The following CSMD3 variants were observed in gnomAD, a reference collection of about 807,000 sequenced individuals.
The protein encoded by CSMD3 is CUB and sushi domain-containing protein 3.
Under a neutral mutation model 435.2 loss-of-function variants are expected in CSMD3, and 177 were observed. The observed-to-expected ratio is 0.41, with a 90% CI of 0.36 to 0.46. CSMD3 has a LOEUF of 0.46. Among genes scored for constraint, CSMD3 ranks in the 20% least tolerant of loss-of-function variants. The probability of loss-of-function intolerance (pLI) is 0.34; values close to 1 mark genes in which losing one functional copy is unlikely to be tolerated. For missense variants in CSMD3, 4,265 were observed against 4,504.6 expected, an observed-to-expected ratio of 0.95 and a Z score of 1.52; for synonymous variants, 1,656 against 1,520.5, an observed-to-expected ratio of 1.09 and a Z score of -2.07.
intron 10 of CSMD3, among the ~76,000 whole-genome samples, chr8:112,871,668 A>G (rs1040360694): frequency 2.0e-5 from 3 of 152,098 alleles, no homozygotes; most frequent in Non-Finnish European, 2.9e-5. Flanking sequence ...TCCATTAAAT[A>G]AGAGACAGAG....
chr8:112,403,543 T>G (rs1173867723), intron 35 of CSMD3, among the ~76,000 whole-genome samples: 2 of 151,996 alleles, frequency 1.3e-5, no homozygotes, highest in East Asian at 1.9e-4. Context: ...TGCCAGCAGA[T>G]GTAGTGTTTG....
At chr8:113,382,383 CTT>C (rs901646392) in intron 1 of CSMD3, among the ~76,000 whole-genome samples, 17 of 152,126 alleles carry the variant, frequency 1.1e-4, no homozygotes, top group African/African-American at 4.1e-4. Context: ...ATGAGTCAGT[CTT>C]TTTTATTTTT....
chr8:112,292,889 A>G (rs1819913157), intron 54 of CSMD3, among the ~76,000 whole-genome samples, 179 bp from the exon 55 acceptor site: 1 of 152,164 alleles, frequency 6.6e-6, no homozygotes, highest in South Asian at 2.1e-4. Context: ...TAGAATGTCA[A>G]AATAGTCTAA....
chr8:112,775,081 C>T (rs936112135), intron 13 of CSMD3, among the ~76,000 whole-genome samples: 2 of 151,822 alleles, frequency 1.3e-5, no homozygotes, highest in African/African-American at 2.4e-5. Flanking sequence ...CTTTGCTGAC[C>T]TGATATCACC....
intron 4 of CSMD3, among the ~76,000 whole-genome samples, chr8:113,154,787 C>T: frequency 6.6e-6 from 1 of 151,966 alleles, no homozygotes; most frequent in African/African-American, 2.4e-5. Flanking sequence ...TACTGTATGT[C>T]TTTCCCATTT....
chr8:112,891,666 T>C (rs2081795140), intron 10 of CSMD3, among the ~76,000 whole-genome samples: 2 of 151,518 alleles, frequency 1.3e-5, no homozygotes, highest in South Asian at 4.1e-4. Context: ...AAATGTCAGG[T>C]TGTATGACAT....
chr8:113,018,711 G>A (rs2086567053), intron 6 of CSMD3: 1 of 226,286 alleles, frequency 4.4e-6, no homozygotes, highest in East Asian at 1.1e-4. Flanking sequence ...GGTGAGTTTC[G>A]ATTGAGAAAG....
At chr8:112,794,883 A>G (rs974559123) in intron 13 of CSMD3, among the ~76,000 whole-genome samples, 2 of 152,186 alleles carry the variant, frequency 1.3e-5, no homozygotes, top group African/African-American at 4.8e-5. Flanking sequence ...TGAAATGTCC[A>G]TATATTTGAA....
intron 31 of CSMD3, among the ~76,000 whole-genome samples, chr8:112,490,453 C>T (rs1820576453): frequency 1.3e-5 from 2 of 152,092 alleles, no homozygotes; most frequent in Admixed American, 1.3e-4. Context: ...TTGAAACTGA[C>T]ATTTCTATGA....
intron 10 of CSMD3, among the ~76,000 whole-genome samples, chr8:112,894,415 G>A (rs983872811): frequency 2.6e-5 from 4 of 151,196 alleles, no homozygotes; most frequent in Non-Finnish European, 5.9e-5. Flanking sequence ...CAACAGATTA[G>A]TATAAAAATA....
intron 13 of CSMD3, among the ~76,000 whole-genome samples, chr8:112,787,588 A>G: frequency 6.6e-6 from 1 of 152,184 alleles, no homozygotes; most frequent in South Asian, 2.1e-4. Context: ...CATATACACA[A>G]TGGAGTATTA....
chr8:113,364,417 G>GA (rs942123875), intron 1 of CSMD3, among the ~76,000 whole-genome samples: 3 of 148,898 alleles, frequency 2.0e-5, no homozygotes, highest in East Asian at 1.9e-4. Context: ...CACTTGAAAA[G>GA]AAAAAAAATT....
chr8:112,561,058 T>G (rs1828576544), intron 24 of CSMD3, among the ~76,000 whole-genome samples: 1 of 151,684 alleles, frequency 6.6e-6, no homozygotes, highest in Admixed American at 6.6e-5. Context: ...ATATTTTGCA[T>G]TGTAGCTGAA....
intron 11 of CSMD3, among the ~76,000 whole-genome samples, chr8:112,840,019 T>C (rs1388244775): frequency 1.3e-5 from 2 of 151,690 alleles, no homozygotes; most frequent in South Asian, 4.1e-4. Flanking sequence ...GGTTATTGAG[T>C]AGTGAATCTT....
At chr8:113,314,937 A>G (rs1489978429) in intron 1 of CSMD3, 144 bp from the exon 2 acceptor site, 1 of 587,988 alleles carries the variant, frequency 1.7e-6, no homozygotes, top group Non-Finnish European at 3.0e-6. Flanking sequence ...GCTGGGCACT[A>G]TATACAAATA....
At chr8:112,310,871 C>T in intron 50 of CSMD3, 107 bp downstream of exon 50, 2 of 896,398 alleles carry the variant, frequency 2.2e-6, no homozygotes, top group South Asian at 1.4e-5. Context: ...TCACAATATG[C>T]TTCCGAATAT....
chr8:112,977,470 T>A (rs574826716), intron 6 of CSMD3, among the ~76,000 whole-genome samples: 34 of 152,178 alleles, frequency 2.2e-4, no homozygotes, highest in African/African-American at 8.2e-4. Context: ...CTCTGCCTTT[T>A]TTATTTTCCT....
chr8:113,425,485 A>G (rs1462968159), intron 1 of CSMD3, among the ~76,000 whole-genome samples: 1 of 151,352 alleles, frequency 6.6e-6, no homozygotes, highest in Non-Finnish European at 1.5e-5. Context: ...AGTAATCTTC[A>G]AATTATTGAA....
intron 28 of CSMD3, among the ~76,000 whole-genome samples, chr8:112,513,178 A>C (rs1334071779): frequency 6.6e-6 from 1 of 152,200 alleles, no homozygotes; most frequent in East Asian, 1.9e-4. Context: ...AATTTCTGTC[A>C]AGAATTTTAC....
Sources: allele counts gnomAD v4.1 joint callset (sites outside exome capture counted in the v4.1 genomes callset), GRCh38; gene constraint gnomAD v4.1.1; transcripts MANE v1.5; gene names NCBI Gene and HGNC (gene_info 2026-07-23, HGNC 2026-07-21).